Variants in TXNDC16 observed in about 807,000 individuals in gnomAD.
TXNDC16 encodes the protein thioredoxin domain containing 16, also known as thioredoxin domain-containing protein 16.
TXNDC16 carries 74 observed loss-of-function variants against 85.6 expected under a neutral mutation model. The observed-to-expected ratio is 0.86, with a 90% confidence interval of 0.72 to 1.05. TXNDC16 has a LOEUF of 1.05. Ranked by LOEUF, TXNDC16 falls within the 50% of genes least tolerant of loss-of-function variation. The pLI is 0.00. For missense variants in TXNDC16, 959 were observed against 947.0 expected (o/e 1.01, Z -0.17); for synonymous variants, 335 against 326.5 (o/e 1.03, Z -0.28).
intron 6 of TXNDC16, 113 bp from the exon 7 acceptor site, chr14:52,519,406 TCAG>T (rs1374892418): frequency 1.3e-6 from 1 of 743,610 alleles, no homozygotes; most frequent in East Asian, 2.7e-5. Context: ...GAATAAATTA[TCAG>T]TAGTAATAAT....
chr14:52,470,989 T>A (rs889229952), intron 14 of TXNDC16, among the ~76,000 whole-genome samples: 1 of 152,204 alleles, frequency 6.6e-6, no homozygotes, highest in African/African-American at 2.4e-5. Context: ...TCAATAACCA[T>A]AGACAATCTA....
chr14:52,435,721 G>A (rs1000076652), intron 20 of TXNDC16, among the ~76,000 whole-genome samples: 1 of 152,128 alleles, frequency 6.6e-6, no homozygotes, highest in Non-Finnish European at 1.5e-5. Flanking sequence ...AACACTTTGG[G>A]GGGCTGAGGA....
At chr14:52,442,429 G>A (rs1422786228) in intron 18 of TXNDC16, among the ~76,000 whole-genome samples, 2 of 152,224 alleles carry the variant, frequency 1.3e-5, no homozygotes, top group South Asian at 4.1e-4. Context: ...TCTTTAGATC[G>A]CACTACAAAT....
intron 5 of TXNDC16, 83 bp from the exon 6 acceptor site, chr14:52,536,876 C>A (rs969709869): frequency 8.4e-7 from 1 of 1,188,816 alleles, no homozygotes; most frequent in Non-Finnish European, 1.2e-6. Flanking sequence ...CTATCAAATA[C>A]ATTAGCTTAT....
At chr14:52,451,798 T>C (rs2035419160) in intron 18 of TXNDC16, among the ~76,000 whole-genome samples, 2 of 152,174 alleles carry the variant, frequency 1.3e-5, no homozygotes, top group African/African-American at 4.8e-5. Context: ...ATACCCACTG[T>C]CATGACTATT....
rs779331120 is a variant in TXNDC16, at chr14:52,544,387, G to A, written c.-181-16C>T. 2.6e-5 allele frequency: 4 copies of A among 151,952 alleles called. No individual in the cohort carries two copies. The highest frequency in any genetic ancestry group is 5.9e-5 in the Non-Finnish European group (4 of 67,916). 9.4% of individuals were successfully genotyped at this position (151,952 alleles called of 1,614,324 possible). ...TCTATGTTATCTACATTTAAAAGAA[G>A]AAAGTTTAGAAAAATTAGTATAATA... On this transcript the variant is annotated splice_polypyrimidine_tract_variant and intron_variant, in intron 1 of 20. Transcript: ENST00000281741.
intron 9 of TXNDC16, among the ~76,000 whole-genome samples, chr14:52,509,590 T>C (rs1298796059): frequency 1.3e-5 from 2 of 151,742 alleles, no homozygotes; most frequent in African/African-American, 4.9e-5. Context: ...CATGTATATA[T>C]ATGTAACAAA....
intron 18 of TXNDC16, among the ~76,000 whole-genome samples, chr14:52,450,856 TATATATATA>T (rs1566533856): frequency 9.7e-4 from 1 of 1,028 alleles, no homozygotes; most frequent in Admixed American, 0.011. Flanking sequence ...ATGTGTTTTA[TATATATATA>T]TATATATATA....
At chr14:52,547,476 G>T (rs993748120) in intron 1 of TXNDC16, among the ~76,000 whole-genome samples, 1 of 152,064 alleles carries the variant, frequency 6.6e-6, no homozygotes, top group African/African-American at 2.4e-5. Context: ...CTTGTAAATT[G>T]ATGTTCTTTA....
At chr14:52,513,673 T>A (rs1261215649) in intron 8 of TXNDC16, among the ~76,000 whole-genome samples, 1 of 148,610 alleles carries the variant, frequency 6.7e-6, no homozygotes, top group African/African-American at 2.5e-5. Flanking sequence ...TGTATATACA[T>A]ATATATACAG....
chr14:52,543,042 A>G (rs1476517854), intron 3 of TXNDC16, among the ~76,000 whole-genome samples: 2 of 152,208 alleles, frequency 1.3e-5, no homozygotes, highest in Non-Finnish European at 2.9e-5. Context: ...AAATAGTTAC[A>G]CGCTAAAAAC....
At chr14:52,483,245 A>G (rs995171126) in intron 12 of TXNDC16, among the ~76,000 whole-genome samples, 2 of 152,168 alleles carry the variant, frequency 1.3e-5, no homozygotes, top group African/African-American at 4.8e-5. Context: ...TTTTGCCTCT[A>G]CTATATGCCA....
At chr14:52,506,527 CTTTTT>C (rs765293725) in intron 9 of TXNDC16, among the ~76,000 whole-genome samples, 28 of 97,538 alleles carry the variant, frequency 2.9e-4, no homozygotes, top group African/African-American at 8.3e-4. Flanking sequence ...TTCAACAACC[CTTTTT>C]TTTTTTTTTT....
chr14:52,472,605 T>G (rs902797613), intron 14 of TXNDC16, among the ~76,000 whole-genome samples: 1 of 152,258 alleles, frequency 6.6e-6, no homozygotes, highest in East Asian at 1.9e-4. Context: ...TTCACAAATT[T>G]TAAATTCTTA....
chr14:52,446,866 G>T (rs896884535), intron 18 of TXNDC16, among the ~76,000 whole-genome samples: 3 of 152,116 alleles, frequency 2.0e-5, no homozygotes, highest in African/African-American at 7.2e-5. Context: ...ACCTAGTCCT[G>T]GCAGCATTTA....
intron 16 of TXNDC16, among the ~76,000 whole-genome samples, chr14:52,463,967 G>A (rs1416690614): frequency 1.3e-5 from 2 of 152,096 alleles, no homozygotes; most frequent in African/African-American, 4.8e-5. Context: ...ACAATGTTGG[G>A]AACAATCAAT....
intron 6 of TXNDC16, among the ~76,000 whole-genome samples, chr14:52,525,784 T>C (rs915420132): frequency 6.6e-6 from 1 of 150,624 alleles, no homozygotes; most frequent in Non-Finnish European, 1.5e-5. Flanking sequence ...CTAAATACAA[T>C]CATCTCTCAG....
chr14:52,445,024 A>G (rs1267641309), intron 18 of TXNDC16, among the ~76,000 whole-genome samples: 4 of 152,186 alleles, frequency 2.6e-5, no homozygotes, highest in Admixed American at 1.3e-4. Flanking sequence ...TGATGGAAAT[A>G]CATTAATATA....
In TXNDC16 at chr14:52,502,401, A is replaced by G. The variant is rs190520368; in HGVS notation, c.756+8839T>C. On this transcript the variant is annotated intron_variant, in intron 9 of 20. Transcript: ENST00000281741. ...AGGGTCACCTGCATGGCACAACTCT[A>G]CAAAGTACCATTGACATTGTATTTT... Among the ~76,000 whole-genome samples, 741 of 150,798 alleles carry G rather than the reference A, an allele frequency of 4.9e-3. 14 individuals carry two copies. The highest frequency in any genetic ancestry group is 0.04 in the Admixed American group (603 of 15,096).
Sources: gnomAD v4.1 joint callset for allele counts (sites outside exome capture counted in the v4.1 genomes callset) on GRCh38, gnomAD v4.1.1 for gene constraint, MANE v1.5 for transcripts, NCBI Gene and HGNC (gene_info 2026-07-23, HGNC 2026-07-21) for gene names.